ZNF638: variants seen among roughly 807,000 people sequenced by gnomAD.
The protein encoded by ZNF638 is zinc finger protein 638, also known as CTCL tumor antigen se33-1.
In ZNF638, 46 loss-of-function variants were observed where a neutral mutation model predicts 195.6. The ratio of observed to expected loss-of-function variants is 0.24; its 90% confidence interval spans 0.19 to 0.30. The LOEUF (loss-of-function observed/expected upper bound fraction) is 0.30, where lower values mean the gene tolerates loss of function less well. Among genes scored for constraint, ZNF638 ranks in the 10% least tolerant of loss-of-function variants. The pLI, the probability that ZNF638 is intolerant of heterozygous loss-of-function variation, is 1.00. For synonymous variants in ZNF638, 845 were observed against 772.0 expected (o/e 1.09, Z -1.57); for missense variants, 2,440 against 2,325.3 (o/e 1.05, Z -1.01).
chr2:71,409,391 T>G (rs1321791183), intron 20 of ZNF638, among the ~76,000 whole-genome samples: 3 of 152,202 alleles, frequency 2.0e-5, no homozygotes, highest in African/African-American at 4.8e-5. Flanking sequence ...TATTTCAATA[T>G]CTATAGTTAG....
chr2:71,348,953 C>T lies in ZNF638; in HGVS notation c.-2C>T, dbSNP rs140659649. ...TTAAATCAGGCTTTCTTGAAAATAGCCATGTCGAGACCCAGGTTTAATCCT... is the reference window on the plus strand; with the variant it reads ...TTAAATCAGGCTTTCTTGAAAATAGTCATGTCGAGACCCAGGTTTAATCCT... On this transcript the variant is annotated 5_prime_UTR_variant, in exon 2 of 28. Transcript: ENST00000264447. 3.9e-4 allele frequency: 622 copies of T among 1,614,148 alleles called. 2 individuals carry two copies. In the Middle Eastern group the frequency reaches 7.9e-3, roughly 21 times the overall value.
intron 2 of ZNF638, among the ~76,000 whole-genome samples, chr2:71,353,126 A>G (rs574493749): frequency 1.3e-5 from 2 of 152,340 alleles, no homozygotes; most frequent in South Asian, 4.1e-4. Context: ...AAGCCAATAA[A>G]TGTAAATTAC....
intron 12 of ZNF638, among the ~76,000 whole-genome samples, chr2:71,399,137 A>C (rs1025783393): frequency 1.3e-5 from 2 of 152,160 alleles, no homozygotes; most frequent in African/African-American, 4.8e-5. Flanking sequence ...TTACTTTTAA[A>C]AAGGATGTTA....
intron 10 of ZNF638, among the ~76,000 whole-genome samples, chr2:71,386,268 T>C (rs1431970946): frequency 7.9e-6 from 1 of 126,920 alleles, no homozygotes; most frequent in Non-Finnish European, 1.6e-5. Flanking sequence ...TACCCCAGCC[T>C]ATGCAACAGA....
chr2:71,431,835 A>C (rs929125701), intron 26 of ZNF638, among the ~76,000 whole-genome samples: 1 of 151,962 alleles, frequency 6.6e-6, no homozygotes, highest in Non-Finnish European at 1.5e-5. Flanking sequence ...CCTTGGCTGC[A>C]TTGTCATTTT....
At chr2:71,353,600 A>G (rs1056770991) in intron 2 of ZNF638, among the ~76,000 whole-genome samples, 1 of 152,188 alleles carries the variant, frequency 6.6e-6, no homozygotes, top group African/African-American at 2.4e-5. Flanking sequence ...TTGTGAAGCA[A>G]GCCTAAGAAT....
chr2:71,386,534 G>C (rs1397859407), intron 10 of ZNF638, among the ~76,000 whole-genome samples: 1 of 152,038 alleles, frequency 6.6e-6, no homozygotes, highest in Non-Finnish European at 1.5e-5. Flanking sequence ...CCAGTACAAT[G>C]TAATTCAAGA....
intron 11 of ZNF638, among the ~76,000 whole-genome samples, chr2:71,397,945 T>A (rs544164116): frequency 6.6e-6 from 1 of 152,232 alleles, no homozygotes; most frequent in Non-Finnish European, 1.5e-5. Flanking sequence ...GACTATGATA[T>A]AAGTATTCTT....
At position 71,355,789 on chromosome 2, in the gene ZNF638, A is replaced by G. The variant is rs757386031; in HGVS notation, c.1379+9A>G. On this transcript the variant is annotated intron_variant, in intron 3 of 27. Coordinates refer to ENST00000264447, the MANE Select transcript of ZNF638 (RefSeq NM_014497.5). ...CGACAGTTACGTCAACAGTAAGAAT[A>G]TATTTTTCCTTTATTATAGATAGCA... The G allele has an allele frequency of 9.7e-6, 15 of 1,552,568 alleles. No individual in the cohort carries two copies. The South Asian group carries it at 1.4e-4, about 15-fold the overall frequency.
In ZNF638 at chr2:71,364,158, A is replaced by G. The variant is rs2079155948; in HGVS notation, c.1623A>G (p.Ser541=). ...SRYRSRSRSR[S]PYRIRNPFRG... Reference sequence around the variant, plus strand: ...ACAGATCCAGATCCAGATCCCGTTCACCATATCGAATTAGAAATCCATTTA... The same window carrying G: ...ACAGATCCAGATCCAGATCCCGTTCGCCATATCGAATTAGAAATCCATTTA... The change falls in exon 5 of 28, where the codon TCA becomes TCG. Residue 541 remains serine, a synonymous_variant. Coordinates refer to ENST00000264447, the MANE Select transcript of ZNF638 (RefSeq NM_014497.5). 3 of 1,614,084 alleles carry G rather than the reference A, an allele frequency of 1.9e-6. No homozygotes were observed.
At position 71,350,154 on chromosome 2, in the gene ZNF638, T is replaced by A; in HGVS notation, c.1200T>A (p.Asp400Glu). 1 of 1,613,800 alleles carries A rather than the reference T, an allele frequency of 6.2e-7. No individual in the cohort carries two copies. The part of the protein sequence containing the change: ...ASWLPKFSHA[D>E]AQKMKRLPTP... ...GGCTACCAAAGTTTTCACATGCTGA[T>A]GCCCAGAAGATGAAGAGACTTCCAA... is the stretch of plus-strand genomic sequence containing the variant. The change falls in exon 2 of 28, where the codon GAT (aspartate) becomes GAA (glutamate). Residue 400 changes from aspartate to glutamate, a missense_variant. This residue lies in a region of ZNF638 where 305 missense variants were observed against 283.6 expected (regional missense o/e 1.08). Transcript: ENST00000264447.
chr2:71,371,929 T>C (rs140134378), intron 8 of ZNF638, among the ~76,000 whole-genome samples: 7 of 152,194 alleles, frequency 4.6e-5, no homozygotes, highest in Non-Finnish European at 1.0e-4. Flanking sequence ...TTGTTCATTT[T>C]TGTACAGCAT....
intron 3 of ZNF638, among the ~76,000 whole-genome samples, chr2:71,362,700 C>G (rs759156275): frequency 1.3e-5 from 2 of 152,136 alleles, no homozygotes; most frequent in African/African-American, 2.4e-5. Context: ...GAAAAGCAAC[C>G]CTTTCTATGA....
chr2:71,369,496 G>A (rs1418214908), intron 7 of ZNF638, among the ~76,000 whole-genome samples: 2 of 152,020 alleles, frequency 1.3e-5, no homozygotes, highest in African/African-American at 2.4e-5. Context: ...AAGTTTGTGA[G>A]TCAGGACAGG....
At chr2:71,425,382 G>A (rs545965848) in intron 23 of ZNF638, among the ~76,000 whole-genome samples, 3 of 152,218 alleles carry the variant, frequency 2.0e-5, no homozygotes, top group African/African-American at 7.2e-5. Context: ...AAGGATTGTG[G>A]CTACTTCAGT....
intron 21 of ZNF638, among the ~76,000 whole-genome samples, chr2:71,420,869 C>G (rs1486748887): frequency 6.6e-6 from 1 of 152,118 alleles, no homozygotes; most frequent in African/African-American, 2.4e-5. Context: ...AAAGAAAACA[C>G]TATGATTTGA....
chr2:71,397,056 AGTT>A (rs1447028314), intron 11 of ZNF638, among the ~76,000 whole-genome samples: 3 of 152,318 alleles, frequency 2.0e-5, no homozygotes, highest in Non-Finnish European at 4.4e-5. Flanking sequence ...TTCATATAGT[AGTT>A]TCATAGAAGC....
At position 71,380,573 on chromosome 2, in the gene ZNF638, G is replaced by A; in HGVS notation, c.2377+8G>A. On this transcript the variant is annotated splice_region_variant and intron_variant, in intron 10 of 27. Coordinates refer to ENST00000264447, the MANE Select transcript of ZNF638 (RefSeq NM_014497.5). ...TTACTTCAACTTCTGCTGGTAAGTT[G>A]TTACTTTTAATATTCTTTCAAATGA... 3 of 1,599,278 alleles carry A rather than the reference G, an allele frequency of 1.9e-6. No individual in the cohort carries two copies. Among genetic ancestry groups the A allele is most frequent in the Non-Finnish European group, 2.6e-6 (3 of 1,172,382 alleles).
intron 3 of ZNF638, among the ~76,000 whole-genome samples, chr2:71,359,900 G>A (rs1259986476): frequency 2.6e-5 from 4 of 152,076 alleles, no homozygotes; most frequent in Admixed American, 1.3e-4. Context: ...AGATAACAGT[G>A]CATCAGAATT....
Sources: allele counts gnomAD v4.1 joint callset (sites outside exome capture counted in the v4.1 genomes callset), GRCh38; gene constraint gnomAD v4.1.1; regional missense constraint gnomAD v4.1.1; transcripts MANE v1.5; gene names NCBI Gene and HGNC (gene_info 2026-07-23, HGNC 2026-07-21).